Variants in NTRK3 observed in about 807,000 individuals in gnomAD.
NTRK3 encodes the protein NT-3 growth factor receptor.
NTRK3 carries 24 observed loss-of-function variants against 91.7 expected under a neutral mutation model. That is an observed-to-expected ratio of 0.26 (90% CI 0.19 to 0.37). The LOEUF (loss-of-function observed/expected upper bound fraction) is 0.37, where lower values mean the gene tolerates loss of function less well. NTRK3 is among the 10% of genes least tolerant of loss of function. The pLI is 1.00. For synonymous variants in NTRK3, 483 were observed against 404.0 expected (o/e 1.20, Z -2.34); for missense variants, 880 against 1,068.9 (o/e 0.82, Z 2.46).
chr15:87,865,376 T>C (rs983151750), exon 19 of NTRK3: 1 of 212,824 alleles, frequency 4.7e-6, no homozygotes, highest in Non-Finnish European at 9.5e-6. Flanking sequence ...TACTGTGACT[T>C]TGGCATTCTG....
At chr15:87,914,606 G>A (rs1485799446) in intron 17 of NTRK3, among the ~76,000 whole-genome samples, 1 of 152,204 alleles carries the variant, frequency 6.6e-6, no homozygotes, top group African/African-American at 2.4e-5. Flanking sequence ...AAACGTGGGT[G>A]AGCTCCTTTG....
intron 6 of NTRK3, among the ~76,000 whole-genome samples, chr15:88,138,803 C>G (rs529448092): frequency 6.6e-6 from 1 of 152,238 alleles, no homozygotes; most frequent in African/African-American, 2.4e-5. Context: ...GTTTGTTTAT[C>G]TGTCTCCCTG....
At chr15:88,000,036 A>G (rs1369810213) in intron 14 of NTRK3, among the ~76,000 whole-genome samples, 2 of 152,176 alleles carry the variant, frequency 1.3e-5, no homozygotes, top group African/African-American at 4.8e-5. Context: ...GGTGATATTC[A>G]AGTATCAGAC....
chr15:88,105,890 G>C (rs766240344), intron 13 of NTRK3, among the ~76,000 whole-genome samples: 1 of 152,140 alleles, frequency 6.6e-6, no homozygotes, highest in Admixed American at 6.5e-5. Context: ...TTACAGATGA[G>C]GACAGCAGAA....
chr15:88,012,434 C>T (rs2076946776), intron 14 of NTRK3, among the ~76,000 whole-genome samples: 1 of 152,210 alleles, frequency 6.6e-6, no homozygotes, highest in African/African-American at 2.4e-5. Flanking sequence ...GACACTCTGA[C>T]CCCGAGCTTT....
chr15:88,075,658 T>C (rs1208116782), intron 13 of NTRK3, among the ~76,000 whole-genome samples: 1 of 152,206 alleles, frequency 6.6e-6, no homozygotes, highest in Non-Finnish European at 1.5e-5. Flanking sequence ...TCGAAGAGCA[T>C]CCATGTACCT....
chr15:88,060,383 C>CAAAA (rs11289394), intron 13 of NTRK3, among the ~76,000 whole-genome samples: 8 of 86,324 alleles, frequency 9.3e-5, no homozygotes, highest in African/African-American at 3.0e-4. Context: ...GACTCCATCT[C>CAAAA]AAAAAAAAAA....
chr15:88,109,559 C>T (rs1198195920), intron 13 of NTRK3, among the ~76,000 whole-genome samples: 1 of 152,168 alleles, frequency 6.6e-6, no homozygotes, highest in African/African-American at 2.4e-5. Flanking sequence ...AGAGCTTTTC[C>T]CGCCATGTTT....
intron 3 of NTRK3, among the ~76,000 whole-genome samples, chr15:88,232,371 T>TC (rs1293945871): frequency 6.6e-6 from 1 of 152,140 alleles, no homozygotes; most frequent in African/African-American, 2.4e-5. Flanking sequence ...CCTAGTTTAT[T>TC]CCTCTGCTGT....
chr15:88,164,203 G>A (rs1466223181), intron 5 of NTRK3, among the ~76,000 whole-genome samples: 2 of 152,124 alleles, frequency 1.3e-5, no homozygotes, highest in African/African-American at 4.8e-5. Flanking sequence ...CACGGTCTTG[G>A]CCCCTTGCTG....
At chr15:87,958,758 TC>T (rs1318840826) in intron 14 of NTRK3, among the ~76,000 whole-genome samples, 1 of 151,720 alleles carries the variant, frequency 6.6e-6, no homozygotes, top group Non-Finnish European at 1.5e-5. Context: ...TGGGCAGGGG[TC>T]TCCCAAACTG....
chr15:87,970,541 T>C (rs575565971), intron 14 of NTRK3, among the ~76,000 whole-genome samples: 1 of 152,332 alleles, frequency 6.6e-6, no homozygotes, highest in South Asian at 2.1e-4. Context: ...GTGTGCTGAG[T>C]CTATTAATAG....
exon 14 of NTRK3, chr15:88,032,914 C>G (rs2142019121): frequency 6.2e-7 from 1 of 1,613,732 alleles, no homozygotes. Flanking sequence ...TTCTCAATGA[C>G]AGGGATGCGA....
chr15:88,150,642 G>A (rs1449006361), intron 5 of NTRK3, among the ~76,000 whole-genome samples: 1 of 152,112 alleles, frequency 6.6e-6, no homozygotes, highest in African/African-American at 2.4e-5. Flanking sequence ...TGTTTGCAGA[G>A]CCTGGAAACT....
intron 13 of NTRK3, among the ~76,000 whole-genome samples, chr15:88,064,217 G>A (rs1341146530): frequency 6.6e-6 from 1 of 152,234 alleles, no homozygotes; most frequent in African/African-American, 2.4e-5. Flanking sequence ...TTTGGCAGGA[G>A]CATGGCTCTG....
chr15:88,161,858 G>C (rs1206031888), intron 5 of NTRK3, among the ~76,000 whole-genome samples: 1 of 152,114 alleles, frequency 6.6e-6, no homozygotes, highest in East Asian at 1.9e-4. Flanking sequence ...GCATCGTCCT[G>C]GGGGGCTGGG....
chr15:88,194,138 G>A (rs2047629033), intron 3 of NTRK3, among the ~76,000 whole-genome samples: 1 of 152,132 alleles, frequency 6.6e-6, no homozygotes, highest in Non-Finnish European at 1.5e-5. Flanking sequence ...TTTCCTCTCT[G>A]GCTTCCTTGA....
intron 13 of NTRK3, among the ~76,000 whole-genome samples, chr15:88,108,328 T>C (rs1238620314): frequency 6.6e-6 from 1 of 152,216 alleles, no homozygotes; most frequent in African/African-American, 2.4e-5. Flanking sequence ...CCGGAGTTCA[T>C]AGTCTACGCT....
At chr15:87,904,541 G>T (rs2141678398) in intron 17 of NTRK3, among the ~76,000 whole-genome samples, 1 of 152,248 alleles carries the variant, frequency 6.6e-6, no homozygotes, top group African/African-American at 2.4e-5. Flanking sequence ...CCGGCGTACT[G>T]CTGTAAAGGA....
Sources: allele counts gnomAD v4.1 joint callset (sites outside exome capture counted in the v4.1 genomes callset), GRCh38; gene constraint gnomAD v4.1.1; transcripts MANE v1.5; gene names NCBI Gene and HGNC (gene_info 2026-07-23, HGNC 2026-07-21).